The following UMAD1 variants were observed in gnomAD, a reference collection of about 807,000 sequenced individuals.
The protein encoded by UMAD1 is UBAP1-MVB12-associated (UMA) domain containing 1.
UMAD1 carries 8 observed loss-of-function variants against 6.1 expected under a neutral mutation model. That is an observed-to-expected ratio of 1.30 (90% CI 0.76 to 2.35). The LOEUF is 2.35. UMAD1 is among the 30% of genes most tolerant of loss of function. The probability of loss-of-function intolerance (pLI) is 0.00; values close to 1 mark genes in which losing one functional copy is unlikely to be tolerated. For missense variants in UMAD1, 130 were observed against 78.4 expected (o/e 1.66, Z -2.49); for synonymous variants, 56 against 31.4 (o/e 1.78, Z -2.61).
intron 2 of UMAD1, among the ~76,000 whole-genome samples, chr7:7,775,734 G>C (rs1472386298): frequency 6.6e-6 from 1 of 152,188 alleles, no homozygotes; most frequent in Non-Finnish European, 1.5e-5. Context: ...CATTTTGGAA[G>C]TTTGGCTGTT....
chr7:7,855,596 C>T (rs1264131157), intron 3 of UMAD1, among the ~76,000 whole-genome samples: 1 of 152,218 alleles, frequency 6.6e-6, no homozygotes, highest in African/African-American at 2.4e-5. Flanking sequence ...GCCCTAGACC[C>T]AGCCCAGGAA....
At chr7:7,750,115 A>G (rs975712105) in intron 2 of UMAD1, among the ~76,000 whole-genome samples, 11 of 152,212 alleles carry the variant, frequency 7.2e-5, no homozygotes, top group African/African-American at 2.4e-4. Flanking sequence ...CAATTATAAT[A>G]ACTTCTATGC....
chr7:7,805,308 G>T (rs1782890033), intron 3 of UMAD1, among the ~76,000 whole-genome samples: 1 of 151,104 alleles, frequency 6.6e-6, no homozygotes, highest in Admixed American at 6.6e-5. Context: ...AATCATTCCT[G>T]TTTAATATCA....
intron 3 of UMAD1, among the ~76,000 whole-genome samples, chr7:7,833,959 G>C (rs1356270038): frequency 7.0e-6 from 1 of 142,372 alleles, no homozygotes; most frequent in Non-Finnish European, 1.5e-5. Flanking sequence ...CATGTCATCA[G>C]TCTCAAGAAT....
At chr7:7,703,195 C>T (rs1030810619) in intron 2 of UMAD1, among the ~76,000 whole-genome samples, 3 of 152,118 alleles carry the variant, frequency 2.0e-5, no homozygotes, top group African/African-American at 7.2e-5. Flanking sequence ...TGATTAAAAT[C>T]CACTTGATGT....
At chr7:7,744,346 GC>G (rs1246579836) in intron 2 of UMAD1, among the ~76,000 whole-genome samples, 2 of 151,984 alleles carry the variant, frequency 1.3e-5, no homozygotes, top group Non-Finnish European at 2.9e-5. Context: ...TGTTGTTTTT[GC>G]TTTTTGGATA....
chr7:7,658,092 C>T (rs1465413190), intron 1 of UMAD1, among the ~76,000 whole-genome samples: 1 of 152,186 alleles, frequency 6.6e-6, no homozygotes, highest in Non-Finnish European at 1.5e-5. Context: ...GGAGTTCACT[C>T]ATGCTTTGGC....
intron 3 of UMAD1, among the ~76,000 whole-genome samples, chr7:7,844,395 T>C (rs1333368622): frequency 6.6e-6 from 1 of 152,172 alleles, no homozygotes; most frequent in Non-Finnish European, 1.5e-5. Flanking sequence ...TAGGTCCTGG[T>C]TGTTTTAAAG....
In UMAD1 at chr7:7,877,806, G is replaced by A. The variant is rs371059594; in HGVS notation, c.*268G>A. 8.4e-5 allele frequency: 33 copies of A among 393,038 alleles called. No homozygotes were observed. The highest frequency in any genetic ancestry group is 6.7e-4 in the Middle Eastern group (1 of 1,482). 24.3% of individuals were successfully genotyped at this position (393,038 alleles called of 1,614,324 possible). ...GGAAAGGACTCGATTCCTTCAGATGGTCTCTCAAAATATAACACCTCAAAT... is the reference window on the plus strand; with the variant it reads ...GGAAAGGACTCGATTCCTTCAGATGATCTCTCAAAATATAACACCTCAAAT... On this transcript the variant is annotated 3_prime_UTR_variant, in exon 4 of 4. Transcript: ENST00000682710.
At chr7:7,660,710 CT>C (rs1159102072) in intron 1 of UMAD1, among the ~76,000 whole-genome samples, 2 of 152,232 alleles carry the variant, frequency 1.3e-5, no homozygotes, top group Non-Finnish European at 2.9e-5. Flanking sequence ...GTAACCCAGC[CT>C]TTCTCTCTGG....
chr7:7,655,082 G>A (rs1035788384), intron 1 of UMAD1, among the ~76,000 whole-genome samples: 1 of 152,072 alleles, frequency 6.6e-6, no homozygotes, highest in Admixed American at 6.5e-5. Flanking sequence ...TACTGTTATA[G>A]TAACAGCAAT....
At chr7:7,777,512 A>G (rs893686052) in intron 2 of UMAD1, among the ~76,000 whole-genome samples, 1 of 110,100 alleles carries the variant, frequency 9.1e-6, no homozygotes, top group Non-Finnish European at 1.9e-5. Context: ...TCTCAAAAAA[A>G]AAAAAAAAAA....
chr7:7,721,468 C>T (rs561496983), intron 2 of UMAD1, among the ~76,000 whole-genome samples: 2 of 152,144 alleles, frequency 1.3e-5, no homozygotes, highest in South Asian at 4.1e-4. Flanking sequence ...GGGGATACTG[C>T]CATTAGGAGC....
At chr7:7,771,337 T>C (rs1159213686) in intron 2 of UMAD1, among the ~76,000 whole-genome samples, 1 of 152,126 alleles carries the variant, frequency 6.6e-6, no homozygotes, top group Non-Finnish European at 1.5e-5. Context: ...AGGTTGTAAA[T>C]GAGACAGTTT....
intron 3 of UMAD1, among the ~76,000 whole-genome samples, chr7:7,817,729 T>C (rs1229342869): frequency 1.3e-5 from 2 of 152,248 alleles, no homozygotes; most frequent in East Asian, 3.8e-4. Context: ...TTCTTTTCTG[T>C]ATCTCATCCG....
chr7:7,850,771 A>G (rs956963777), intron 3 of UMAD1, among the ~76,000 whole-genome samples: 1 of 152,150 alleles, frequency 6.6e-6, no homozygotes, highest in Non-Finnish European at 1.5e-5. Context: ...GACAATTATT[A>G]CTAGAATAAT....
At chr7:7,724,573 T>G (rs1363165478) in intron 2 of UMAD1, among the ~76,000 whole-genome samples, 2 of 152,176 alleles carry the variant, frequency 1.3e-5, no homozygotes, top group Admixed American at 1.3e-4. Flanking sequence ...ATTAAGGACT[T>G]GAAAGATGCA....
intron 3 of UMAD1, among the ~76,000 whole-genome samples, chr7:7,865,679 C>T (rs1334271674): frequency 6.6e-6 from 1 of 152,234 alleles, no homozygotes; most frequent in African/African-American, 2.4e-5. Flanking sequence ...AGTCCTGCCA[C>T]CCTGTTGCTG....
At chr7:7,722,029 C>T (rs376854261) in intron 2 of UMAD1, among the ~76,000 whole-genome samples, 3 of 152,048 alleles carry the variant, frequency 2.0e-5, no homozygotes, top group African/African-American at 7.2e-5. Flanking sequence ...TGTCCTTGAA[C>T]ATTGGACTGT....
Sources: allele counts gnomAD v4.1 joint callset (sites outside exome capture counted in the v4.1 genomes callset), GRCh38; gene constraint gnomAD v4.1.1; transcripts MANE v1.5; gene names NCBI Gene and HGNC (gene_info 2026-07-23, HGNC 2026-07-21).